Variants in PCDHGB1 observed in about 807,000 individuals in gnomAD.
PCDHGB1 encodes the protein protocadherin gamma-B1.
In PCDHGB1, 34 loss-of-function variants were observed where a neutral mutation model predicts 56.6. The observed-to-expected ratio is 0.60, with a 90% CI of 0.46 to 0.80. The LOEUF (loss-of-function observed/expected upper bound fraction) is 0.80. Among genes scored for constraint, PCDHGB1 ranks in the 30% least tolerant of loss-of-function variants. The pLI is 0.00. For synonymous variants in PCDHGB1, 561 were observed against 505.9 expected (o/e 1.11, Z -1.46); for missense variants, 1,278 against 1,204.6 (o/e 1.06, Z -0.90).
chr5:141,361,472 AC>A, intron 1 of PCDHGB1: 1 of 1,614,024 alleles, frequency 6.2e-7, no homozygotes, highest in Admixed American at 1.7e-5. Flanking sequence ...TCCGACGTCA[AC>A]GATAATGCCC....
intron 1 of PCDHGB1, among the ~76,000 whole-genome samples, chr5:141,446,714 G>T (rs193229261): frequency 2.6e-5 from 4 of 152,044 alleles, no homozygotes; most frequent in African/African-American, 9.7e-5. Flanking sequence ...TGATCTGCCC[G>T]CCTCGGCCTC....
At chr5:141,375,036 G>A (rs1229219386) in intron 1 of PCDHGB1, 6 of 1,614,002 alleles carry the variant, frequency 3.7e-6, no homozygotes, top group Admixed American at 1.7e-5. Context: ...TATGAGCTGG[G>A]TGTTGAAGCC....
chr5:141,414,443 A>G (rs1413718059), intron 1 of PCDHGB1: 1 of 1,613,892 alleles, frequency 6.2e-7, no homozygotes, highest in Non-Finnish European at 8.5e-7. Flanking sequence ...TCCTCTTACA[A>G]TATCACAGTG....
intron 1 of PCDHGB1, among the ~76,000 whole-genome samples, chr5:141,381,246 A>G (rs2150176708): frequency 6.6e-6 from 1 of 152,374 alleles, no homozygotes; most frequent in Non-Finnish European, 1.5e-5. Context: ...TCCAGGACCT[A>G]GAAGAATTTA....
intron 1 of PCDHGB1, chr5:141,478,798 T>G: frequency 6.8e-7 from 1 of 1,463,780 alleles, no homozygotes. Flanking sequence ...TCCTCAGCAC[T>G]CTTTTGCTAT....
chr5:141,365,547 C>A, intron 1 of PCDHGB1: 1 of 1,613,738 alleles, frequency 6.2e-7, no homozygotes, highest in Non-Finnish European at 8.5e-7. Flanking sequence ...CACCTATTAA[C>A]AACTAGGGAC....
At chr5:141,384,379 G>C in intron 1 of PCDHGB1, 1 of 1,613,934 alleles carries the variant, frequency 6.2e-7, no homozygotes, top group Non-Finnish European at 8.5e-7. Flanking sequence ...CTTGGCCGAA[G>C]ACACCATCCA....
intron 1 of PCDHGB1, chr5:141,413,792 G>C (rs1390056342): frequency 6.2e-7 from 1 of 1,613,134 alleles, no homozygotes; most frequent in South Asian, 1.1e-5. Context: ...TCCCTAGATC[G>C]CGAGGAAGAG....
chr5:141,418,776 C>G (rs763308217), intron 1 of PCDHGB1: 1 of 1,613,806 alleles, frequency 6.2e-7, no homozygotes, highest in East Asian at 2.2e-5. Flanking sequence ...ACTCAGCAGC[C>G]TTTGGATTTT....
chr5:141,398,298 C>T (rs746476042), intron 1 of PCDHGB1: 1 of 1,362,258 alleles, frequency 7.3e-7, no homozygotes, highest in South Asian at 1.3e-5. Flanking sequence ...TGGGGTTCAG[C>T]GTCCAGGAGT....
At chr5:141,415,123 G>T (rs1349224471) in intron 1 of PCDHGB1, 3 of 1,613,540 alleles carry the variant, frequency 1.9e-6, no homozygotes. Flanking sequence ...CGTAGTGGCC[G>T]TCCAGGACCA....
intron 1 of PCDHGB1, chr5:141,403,589 A>G (rs1447316737): frequency 1.2e-6 from 2 of 1,613,812 alleles, no homozygotes; most frequent in East Asian, 2.2e-5. Context: ...CCTGGTCCTC[A>G]CGGCCTCGGA....
At chr5:141,394,060 C>A (rs1437765710) in intron 1 of PCDHGB1, 9 of 1,613,662 alleles carry the variant, frequency 5.6e-6, no homozygotes, top group African/African-American at 4.0e-5. Context: ...GAAAATGTCT[C>A]TATCTACAAT....
In PCDHGB1 at chr5:141,393,242, C is replaced by T. The variant is rs151037104; in HGVS notation, c.2409+40573C>T. 1,015 of 1,613,778 alleles carry T rather than the reference C, an allele frequency of 6.3e-4. 8 individuals carry two copies. The African/African-American group carries it at 0.012, about 18-fold the overall frequency. ...TCGAAGATCTAGAAGTAAAAATTAA[C>T]GAAATCGCGGTTCCTGGAGCACGTT... is the stretch of plus-strand genomic sequence containing the variant. On this transcript the variant is annotated intron_variant, in intron 1 of 3. Coordinates refer to ENST00000523390, the MANE Select transcript of PCDHGB1 (RefSeq NM_018922.3).
At chr5:141,426,538 C>T (rs1038881219) in intron 1 of PCDHGB1, 2 of 346,308 alleles carry the variant, frequency 5.8e-6, no homozygotes, top group Non-Finnish European at 1.2e-5. Context: ...TGGGAACATA[C>T]TTGTGAGTGA....
intron 1 of PCDHGB1, chr5:141,419,553 C>T (rs2096398346): frequency 1.2e-5 from 20 of 1,611,902 alleles, no homozygotes; most frequent in Non-Finnish European, 1.4e-5. Flanking sequence ...GTGCTGTACC[C>T]TGCGCTGGGT....
At chr5:141,406,544 T>A (rs1254762260) in intron 1 of PCDHGB1, among the ~76,000 whole-genome samples, 1 of 152,222 alleles carries the variant, frequency 6.6e-6, no homozygotes, top group Non-Finnish European at 1.5e-5. Context: ...AGATTCAAAC[T>A]TCAGTTATCC....
chr5:141,389,853 A>G, intron 1 of PCDHGB1: 1 of 1,614,050 alleles, frequency 6.2e-7, no homozygotes, highest in South Asian at 1.1e-5. Context: ...GGCCACTGCC[A>G]CGTTGCACCT....
chr5:141,366,378 A>T, intron 1 of PCDHGB1: 1 of 1,613,986 alleles, frequency 6.2e-7, no homozygotes, highest in Middle Eastern at 1.6e-4. Context: ...ACCCCCATTG[A>T]CCCTGAGGAT....
Sources: allele counts gnomAD v4.1 joint callset (sites outside exome capture counted in the v4.1 genomes callset), GRCh38; gene constraint gnomAD v4.1.1; transcripts MANE v1.5; gene names NCBI Gene and HGNC (gene_info 2026-07-23, HGNC 2026-07-21).